RGL1: variants seen among roughly 807,000 people sequenced by gnomAD.
The protein encoded by RGL1 is ral guanine nucleotide dissociation stimulator-like 1.
Under a neutral mutation model 95.2 loss-of-function variants are expected in RGL1, and 24 were observed. That is an observed-to-expected ratio of 0.25 (90% CI 0.18 to 0.35). The LOEUF (loss-of-function observed/expected upper bound fraction) is 0.35. RGL1 is among the 10% of genes least tolerant of loss of function. RGL1 has a pLI of 1.00. For missense variants in RGL1, 715 were observed against 936.3 expected (o/e 0.76, Z 3.08); for synonymous variants, 329 against 344.9 (o/e 0.95, Z 0.51).
intron 2 of RGL1, among the ~76,000 whole-genome samples, chr1:183,835,666 A>G (rs1663596878): frequency 6.6e-6 from 1 of 152,228 alleles, no homozygotes; most frequent in African/African-American, 2.4e-5. Flanking sequence ...GATTTCAGTC[A>G]GTGTCAAGAG....
At chr1:183,866,504 G>C (rs1449121691) in intron 4 of RGL1, among the ~76,000 whole-genome samples, 1 of 152,118 alleles carries the variant, frequency 6.6e-6, no homozygotes, top group Non-Finnish European at 1.5e-5. Context: ...GGTGTGCCCT[G>C]AGCCTTGCAA....
At chr1:183,879,789 A>G (rs1326805058) in intron 4 of RGL1, among the ~76,000 whole-genome samples, 1 of 152,200 alleles carries the variant, frequency 6.6e-6, no homozygotes, top group Non-Finnish European at 1.5e-5. Context: ...TCCTTCAGCT[A>G]TTTGTCTCTA....
chr1:183,772,846 A>G (rs1378117179), intron 2 of RGL1, among the ~76,000 whole-genome samples: 1 of 150,994 alleles, frequency 6.6e-6, no homozygotes, highest in African/African-American at 2.4e-5. Context: ...CGTCTCTACT[A>G]AAAATACAAA....
At chr1:183,760,185 T>A (rs1658582966) in intron 2 of RGL1, among the ~76,000 whole-genome samples, 1 of 152,162 alleles carries the variant, frequency 6.6e-6, no homozygotes, top group Non-Finnish European at 1.5e-5. Flanking sequence ...AATACTGTAT[T>A]TCTAAAAAAT....
intron 2 of RGL1, among the ~76,000 whole-genome samples, chr1:183,779,878 T>C (rs989983594): frequency 6.6e-6 from 1 of 152,062 alleles, no homozygotes; most frequent in African/African-American, 2.4e-5. Flanking sequence ...ATGCATAGTG[T>C]GTGGGTGAAG....
At chr1:183,782,461 A>G (rs1427103865) in intron 2 of RGL1, among the ~76,000 whole-genome samples, 2 of 152,212 alleles carry the variant, frequency 1.3e-5, no homozygotes, top group Admixed American at 6.5e-5. Flanking sequence ...TCACAGTTAA[A>G]TGCTTCTTCA....
intron 3 of RGL1, among the ~76,000 whole-genome samples, chr1:183,861,354 T>G (rs749829127): frequency 1.3e-5 from 2 of 152,166 alleles, no homozygotes; most frequent in Non-Finnish European, 2.9e-5. Context: ...TACAACTTTA[T>G]CTAAGGGTTT....
At chr1:183,689,791 A>G (rs1203893741) in intron 1 of RGL1, among the ~76,000 whole-genome samples, 1 of 152,218 alleles carries the variant, frequency 6.6e-6, no homozygotes, top group Non-Finnish European at 1.5e-5. Context: ...GAGGCTACCC[A>G]GAAGATGAAC....
intron 1 of RGL1, among the ~76,000 whole-genome samples, chr1:183,650,598 CTG>C (rs1261617522): frequency 5.9e-5 from 9 of 151,984 alleles, no homozygotes; most frequent in African/African-American, 1.9e-4. Flanking sequence ...TATTATGTAA[CTG>C]TAACATTCAG....
chr1:183,920,977 G>C (rs1411592065), intron 16 of RGL1, among the ~76,000 whole-genome samples: 1 of 152,194 alleles, frequency 6.6e-6, no homozygotes, highest in African/African-American at 2.4e-5. Context: ...GAGGGGGGTC[G>C]TGGGGGGCTT....
intron 8 of RGL1, among the ~76,000 whole-genome samples, chr1:183,890,810 G>A (rs1667374445): frequency 6.6e-6 from 1 of 152,160 alleles, no homozygotes; most frequent in Non-Finnish European, 1.5e-5. Flanking sequence ...GCTGGGACTG[G>A]GAGGACGGTA....
chr1:183,726,951 C>G (rs1214943216), intron 1 of RGL1, among the ~76,000 whole-genome samples: 1 of 152,058 alleles, frequency 6.6e-6, no homozygotes, highest in Non-Finnish European at 1.5e-5. Context: ...TTGGAATGTT[C>G]AACCTATACC....
intron 4 of RGL1, among the ~76,000 whole-genome samples, chr1:183,879,368 T>G (rs1290248953): frequency 6.6e-6 from 1 of 152,260 alleles, no homozygotes; most frequent in Non-Finnish European, 1.5e-5. Flanking sequence ...TAGACACACC[T>G]GTGAAAGCCC....
intron 1 of RGL1, among the ~76,000 whole-genome samples, chr1:183,722,934 A>T (rs1656093570): frequency 6.6e-6 from 1 of 152,340 alleles, no homozygotes; most frequent in Middle Eastern, 3.4e-3. Context: ...TCATTTAAAA[A>T]ATTTTAAAAA....
chr1:183,853,370 T>A (rs1664945558), intron 3 of RGL1, among the ~76,000 whole-genome samples: 1 of 151,550 alleles, frequency 6.6e-6, no homozygotes, highest in Non-Finnish European at 1.5e-5. Flanking sequence ...AGAACCAGAG[T>A]AGGGGTTAAC....
At chr1:183,667,846 TAG>T (rs1345652738) in intron 1 of RGL1, among the ~76,000 whole-genome samples, 2 of 152,210 alleles carry the variant, frequency 1.3e-5, no homozygotes, top group Non-Finnish European at 2.9e-5. Flanking sequence ...GTGATTGTCT[TAG>T]AGTTTGTAAT....
Position 183,842,303 on chromosome 1 carries a change from TGA to T in RGL1, c.139-5262_139-5261del, listed in dbSNP as rs1239912459. Among the ~76,000 whole-genome samples the T allele has an allele frequency of 6.6e-5, 10 of 150,658 alleles. No individual in the cohort carries two copies. In the South Asian group the frequency reaches 2.1e-3, roughly 32 times the overall value. On this transcript the variant is annotated intron_variant, in intron 2 of 17. Transcript: ENST00000360851. ...ACACGTTCCCTGTTAAACTATCAGA[TGA>T]CTGAATTATTATTTTGATTGAAGGG...
intron 1 of RGL1, among the ~76,000 whole-genome samples, chr1:183,719,180 G>C (rs1002322502): frequency 6.6e-6 from 1 of 152,158 alleles, no homozygotes; most frequent in Non-Finnish European, 1.5e-5. Flanking sequence ...GTAGCACTTA[G>C]GGGCAAACTA....
In RGL1 at chr1:183,894,890, T is replaced by G. The variant is rs912192368; in HGVS notation, c.1140+2729T>G. Reference sequence around the variant, plus strand: ...TCCTTTTAATTGTTTTTAAAAATGTTTCATTTCCTCTCAAAGACTATCTTA... The same window carrying G: ...TCCTTTTAATTGTTTTTAAAAATGTGTCATTTCCTCTCAAAGACTATCTTA... On this transcript the variant is annotated intron_variant, in intron 9 of 17. Transcript: ENST00000360851. Among the ~76,000 whole-genome samples the G allele has an allele frequency of 1.5e-4, 23 of 152,318 alleles. 1 individual carries two copies. The highest frequency in any genetic ancestry group is 5.5e-4 in the African/African-American group (23 of 41,572).
Sources: allele counts gnomAD v4.1 joint callset (sites outside exome capture counted in the v4.1 genomes callset), GRCh38; gene constraint gnomAD v4.1.1; transcripts MANE v1.5; gene names NCBI Gene and HGNC (gene_info 2026-07-23, HGNC 2026-07-21).